Variants in RAD51B observed in about 807,000 individuals in gnomAD.
The protein encoded by RAD51B is DNA repair protein RAD51 homolog 2.
RAD51B carries 38 observed loss-of-function variants against 42.2 expected under a neutral mutation model. That is an observed-to-expected ratio of 0.90 (90% CI 0.70 to 1.18). The LOEUF is 1.18. Ranked by LOEUF, RAD51B falls within the 50% of genes most tolerant of loss-of-function variation. The pLI is 0.00. For synonymous variants in RAD51B, 154 were observed against 145.2 expected, an observed-to-expected ratio of 1.06 and a Z score of -0.43; for missense variants, 373 against 400.7, an observed-to-expected ratio of 0.93 and a Z score of 0.59.
intron 7 of RAD51B, among the ~76,000 whole-genome samples, chr14:67,984,405 C>A (rs1241429570): frequency 6.6e-6 from 1 of 152,148 alleles, no homozygotes; most frequent in Non-Finnish European, 1.5e-5. Context: ...CTTATTTTAA[C>A]CCTCCTAACC....
At chr14:68,455,416 T>C (rs2085658988) in intron 9 of RAD51B, among the ~76,000 whole-genome samples, 1 of 151,768 alleles carries the variant, frequency 6.6e-6, no homozygotes, top group Non-Finnish European at 1.5e-5. Context: ...CTCAAATCAG[T>C]ATGAAAAAGT....
chr14:67,951,667 A>G (rs1047983573), intron 7 of RAD51B, among the ~76,000 whole-genome samples: 20 of 152,244 alleles, frequency 1.3e-4, no homozygotes, highest in Non-Finnish European at 1.5e-5. Flanking sequence ...CTGAATTTAG[A>G]ATATTAAATT....
intron 5 of RAD51B, among the ~76,000 whole-genome samples, chr14:67,884,779 A>G (rs2043013773): frequency 6.6e-6 from 1 of 152,066 alleles, no homozygotes; most frequent in South Asian, 2.1e-4. Context: ...CAACTTAGCT[A>G]TGTATATTTT....
intron 10 of RAD51B, among the ~76,000 whole-genome samples, chr14:68,492,493 A>G (rs1036356087): frequency 2.6e-5 from 4 of 152,254 alleles, no homozygotes; most frequent in African/African-American, 7.2e-5. Flanking sequence ...AAGGGCTGCT[A>G]CAACTGAAGG....
rs2140254848 is a variant in RAD51B, at chr14:68,477,656, A to G, written c.1045A>G (p.Lys349Glu). 6.2e-7 allele frequency: 1 copy of G among 1,609,586 alleles called. No individual in the cohort carries two copies. The highest frequency in any genetic ancestry group is 8.5e-7 in the Non-Finnish European group (1 of 1,178,820). ...TTTTTTTTTTCCTTTAGGCCAAGAG[A>G]AGCCATAGGGATACTGTGACCTTTG... is the stretch of plus-strand genomic sequence containing the variant. ...EEGLVLQGQE[K>E]P Residue 349 changes from lysine (K) to glutamate (E), a missense_variant, in exon 11 of 11, where the codon AAG (lysine) becomes GAG (glutamate). By Grantham distance (56) the Lys-to-Glu change is moderately conservative. Coordinates refer to ENST00000471583, the MANE Select transcript of RAD51B (RefSeq NM_133510.4).
intron 7 of RAD51B, among the ~76,000 whole-genome samples, chr14:68,233,368 A>G (rs1477868525): frequency 1.3e-5 from 2 of 152,166 alleles, no homozygotes; most frequent in African/African-American, 2.4e-5. Context: ...TGATTACATT[A>G]TTTTGTCTGG....
chr14:68,148,859 G>A (rs2078312612), intron 7 of RAD51B, among the ~76,000 whole-genome samples: 2 of 152,168 alleles, frequency 1.3e-5, no homozygotes. Flanking sequence ...GTTTAAGATA[G>A]GCTAAGCCAA....
intron 8 of RAD51B, among the ~76,000 whole-genome samples, chr14:68,302,365 G>A (rs544122397): frequency 1.3e-5 from 2 of 152,310 alleles, no homozygotes; most frequent in Non-Finnish European, 2.9e-5. Flanking sequence ...AGGAGTCCTG[G>A]CTTGGGGATG....
At chr14:67,938,634 T>A (rs922070343) in intron 7 of RAD51B, among the ~76,000 whole-genome samples, 3 of 152,244 alleles carry the variant, frequency 2.0e-5, no homozygotes, top group Non-Finnish European at 4.4e-5. Context: ...AGTCATTTTG[T>A]GTATAGTTTG....
intron 7 of RAD51B, among the ~76,000 whole-genome samples, chr14:68,028,163 C>G (rs1234357508): frequency 6.6e-6 from 1 of 152,152 alleles, no homozygotes; most frequent in African/African-American, 2.4e-5. Flanking sequence ...TGATCAGTAG[C>G]TAGGCTTTTA....
At chr14:68,386,620 G>A (rs751414367) in intron 8 of RAD51B, among the ~76,000 whole-genome samples, 1 of 152,148 alleles carries the variant, frequency 6.6e-6, no homozygotes, top group Non-Finnish European at 1.5e-5. Flanking sequence ...CCCTGATAGT[G>A]CCTAGTACCT....
At chr14:68,629,544 T>G (rs992977103) in intron 10 of RAD51B, among the ~76,000 whole-genome samples, 2 of 152,330 alleles carry the variant, frequency 1.3e-5, no homozygotes, top group South Asian at 2.1e-4. Flanking sequence ...CGAACAAAGC[T>G]TTCATACCCT....
chr14:68,444,105 G>A (rs148140094), intron 9 of RAD51B, among the ~76,000 whole-genome samples: 56 of 152,242 alleles, frequency 3.7e-4, no homozygotes, highest in Non-Finnish European at 6.3e-4. Flanking sequence ...AATGAAGAAC[G>A]GGTGTTCTCT....
intron 10 of RAD51B, among the ~76,000 whole-genome samples, chr14:68,535,971 A>C (rs1195144845): frequency 6.6e-6 from 1 of 152,198 alleles, no homozygotes; most frequent in Non-Finnish European, 1.5e-5. Context: ...GCCAGAGTTT[A>C]AAAGAAGGAT....
At chr14:68,258,741 C>T (rs2080813406) in intron 7 of RAD51B, among the ~76,000 whole-genome samples, 1 of 152,096 alleles carries the variant, frequency 6.6e-6, no homozygotes, top group African/African-American at 2.4e-5. Context: ...TCATGACCAT[C>T]CCCATGAGAT....
At chr14:68,156,455 TTCTCTCTC>T (rs10650896) in intron 7 of RAD51B, among the ~76,000 whole-genome samples, 2,679 of 114,332 alleles carry the variant, frequency 0.023, 36 homozygotes, top group Middle Eastern at 0.054. Context: ...CTTAGAAAAT[TTCTCTCTC>T]TCTCTCTCTC....
chr14:68,100,971 A>G (rs368408834), intron 7 of RAD51B, among the ~76,000 whole-genome samples: 1 of 152,210 alleles, frequency 6.6e-6, no homozygotes, highest in Admixed American at 6.5e-5. Context: ...AGGGCTGTGG[A>G]GGCCTCAGGA....
At position 68,113,545 on chromosome 14, in the gene RAD51B, C is replaced by T. The variant is rs558436245; in HGVS notation, c.757-178339C>T. On this transcript the variant is annotated intron_variant, in intron 7 of 10. Coordinates refer to ENST00000471583, the MANE Select transcript of RAD51B (RefSeq NM_133510.4). ...CTCTTGGGAATGAGTTCTCACAGTACGACTTCTGGTTGAAGGCTTTCCCAT... is the reference window on the plus strand; with the variant it reads ...CTCTTGGGAATGAGTTCTCACAGTATGACTTCTGGTTGAAGGCTTTCCCAT... Among the ~76,000 whole-genome samples, 9 of 152,198 alleles carry T rather than the reference C, an allele frequency of 5.9e-5. No homozygotes were observed. The South Asian group carries it at 1.7e-3, about 28-fold the overall frequency.
intron 10 of RAD51B, chr14:68,562,728 C>G: frequency 1.0e-6 from 1 of 985,386 alleles, no homozygotes; most frequent in South Asian, 4.7e-5. Flanking sequence ...CACAGCTATT[C>G]ATCCCCCTGG....
Sources: gnomAD v4.1 joint callset for allele counts (sites outside exome capture counted in the v4.1 genomes callset) on GRCh38, gnomAD v4.1.1 for gene constraint, MANE v1.5 for transcripts, NCBI Gene and HGNC (gene_info 2026-07-23, HGNC 2026-07-21) for gene names.